The following TRIM36 variants were observed in gnomAD, a reference collection of about 807,000 sequenced individuals.
TRIM36 encodes tripartite motif containing 36.
TRIM36 carries 42 observed loss-of-function variants against 72.4 expected under a neutral mutation model. That is an observed-to-expected ratio of 0.58 (90% CI 0.45 to 0.75). The LOEUF (loss-of-function observed/expected upper bound fraction) is 0.75, where lower values mean the gene tolerates loss of function less well. TRIM36 is among the 30% of genes least tolerant of loss of function. The probability of loss-of-function intolerance (pLI) is 0.00; values close to 1 mark genes in which losing one functional copy is unlikely to be tolerated. For synonymous variants in TRIM36, 315 were observed against 282.8 expected, an observed-to-expected ratio of 1.11 and a Z score of -1.14; for missense variants, 913 against 857.1, an observed-to-expected ratio of 1.07 and a Z score of -0.81.
Position 115,169,715 on chromosome 5 carries a change from T to C in TRIM36, c.-81A>G. 6.7e-7 allele frequency: 1 copy of C among 1,486,322 alleles called. No homozygotes were observed. Among genetic ancestry groups the C allele is most frequent in the Non-Finnish European group, 9.0e-7 (1 of 1,116,108 alleles). The allele number at this position is 1,486,322 out of a possible 1,614,324, so 92.1% of individuals were successfully genotyped here. A position where few individuals can be genotyped will look rare whatever the true frequency, so the allele number is the denominator to read the frequency against. Reference sequence around the variant, plus strand: ...GCGCAGGGTCTGGTGGGCGGGTCCCTGCGGCGGCCGTGGAGCCTCGGTCCG... The same window carrying C: ...GCGCAGGGTCTGGTGGGCGGGTCCCCGCGGCGGCCGTGGAGCCTCGGTCCG... On this transcript the variant is annotated 5_prime_UTR_variant, in exon 1 of 10. Coordinates refer to ENST00000513154, the MANE Select transcript of TRIM36 (RefSeq NM_001300759.2).
chr5:115,153,572 C>G (rs1219309342), intron 2 of TRIM36: 1 of 152,332 alleles, frequency 6.6e-6, no homozygotes, highest in African/African-American at 2.4e-5. Context: ...GTGGCATGAT[C>G]TCAGCTCACT....
At chr5:115,162,274 T>C (rs1255157199) in intron 2 of TRIM36, among the ~76,000 whole-genome samples, 3 of 152,200 alleles carry the variant, frequency 2.0e-5, no homozygotes, top group Non-Finnish European at 4.4e-5. Flanking sequence ...ATCCCAGTAA[T>C]GCTATTTCGG....
intron 1 of TRIM36, among the ~76,000 whole-genome samples, chr5:115,176,786 CT>C (rs201063652): frequency 0.28 from 42,847 of 151,858 alleles, 6,044 homozygotes; most frequent in Middle Eastern, 0.31. Context: ...TTGGAAACCT[CT>C]CTTTTAATCC....
chr5:115,179,931 G>A, intron 1 of TRIM36: 1 of 1,584,660 alleles, frequency 6.3e-7, no homozygotes, highest in Admixed American at 1.7e-5. Flanking sequence ...GGTAGTGCCG[G>A]AGTCGGGGGC....
At chr5:115,143,110 G>T (rs965254873) in intron 4 of TRIM36, among the ~76,000 whole-genome samples, 17 of 149,370 alleles carry the variant, frequency 1.1e-4, no homozygotes, top group Admixed American at 4.7e-4. Flanking sequence ...ATCAACTCTT[G>T]TGTGTGAGGA....
At chr5:115,132,383 A>C (rs1752737852) in intron 8 of TRIM36, among the ~76,000 whole-genome samples, 1 of 151,772 alleles carries the variant, frequency 6.6e-6, no homozygotes, top group African/African-American at 2.4e-5. Flanking sequence ...AAATACAAAA[A>C]TTAGCCAGGC....
At chr5:115,163,422 C>A in intron 2 of TRIM36, 96 bp downstream of exon 2, 1 of 1,065,554 alleles carries the variant, frequency 9.4e-7, no homozygotes, top group Non-Finnish European at 1.4e-6. Context: ...AATTAACTCT[C>A]AAGATGACAA....
At chr5:115,170,975 G>A (rs1391066180), upstream of TRIM36, 2 of 1,386,668 alleles carry the variant, frequency 1.4e-6, no homozygotes, top group East Asian at 4.7e-5. Flanking sequence ...AATTAATTTA[G>A]GATTATTAGA....
exon 1 of TRIM36, chr5:115,180,032 C>A (rs751448899): frequency 6.2e-7 from 1 of 1,614,076 alleles, no homozygotes; most frequent in Non-Finnish European, 8.5e-7. Flanking sequence ...CCCCAGACTC[C>A]GACATGTTTA....
At chr5:115,180,156 AC>A in exon 1 of TRIM36, 1 of 1,011,514 alleles carries the variant, frequency 9.9e-7, no homozygotes, top group Non-Finnish European at 1.5e-6. Context: ...TAAGCTGTTA[AC>A]CAGGAAAAGA....
intron 1 of TRIM36, chr5:115,179,940 G>C: frequency 1.2e-6 from 2 of 1,605,930 alleles, no homozygotes; most frequent in Non-Finnish European, 1.7e-6. Context: ...GGAGTCGGGG[G>C]CCCAGGCCGC....
At chr5:115,171,229 A>G, upstream of TRIM36, 1 of 1,614,134 alleles carries the variant, frequency 6.2e-7, no homozygotes, top group South Asian at 1.1e-5. Context: ...GCATCTAAAT[A>G]AGGAGTGTAG....
At chr5:115,162,712 T>C (rs73780080) in intron 2 of TRIM36, among the ~76,000 whole-genome samples, 10 of 152,076 alleles carry the variant, frequency 6.6e-5, no homozygotes, top group Non-Finnish European at 1.0e-4. Context: ...CAGCAGAATA[T>C]CAAGTTTTAT....
chr5:115,137,192 T>G, intron 6 of TRIM36, 68 bp from the exon 7 acceptor site: 1 of 1,501,214 alleles, frequency 6.7e-7, no homozygotes, highest in Non-Finnish European at 8.9e-7. Flanking sequence ...ATCTGCAACA[T>G]GATTAACAAA....
intron 9 of TRIM36, among the ~76,000 whole-genome samples, chr5:115,127,364 C>A (rs757957277): frequency 5.3e-5 from 8 of 152,206 alleles, no homozygotes; most frequent in Non-Finnish European, 1.2e-4. Flanking sequence ...AGTTCCAGAC[C>A]AACCTGGCCA....
intron 1 of TRIM36, among the ~76,000 whole-genome samples, chr5:115,167,469 G>A (rs930427785): frequency 3.3e-5 from 5 of 152,022 alleles, no homozygotes; most frequent in Non-Finnish European, 5.9e-5. Context: ...AAACTTTTAC[G>A]CTCCGCTTCA....
rs774151976 is a variant in TRIM36 at position 115,126,764 on chromosome 5, T to A, written c.1890A>T (p.Lys630Asn). The change falls in exon 10 of 10, where the codon AAA becomes AAT. Residue 630 changes from lysine (K) to asparagine (N), a missense_variant. Coordinates refer to ENST00000513154, the MANE Select transcript of TRIM36 (RefSeq NM_001300759.2). ...PFTLVTIGMQ[K>N]FFIPKSPTSS... ...AAGTAGGTGACTTGGGTATAAAAAATTTCTGCATGCCTATAGTAACTAAGG... is the reference window on the plus strand; with the variant it reads ...AAGTAGGTGACTTGGGTATAAAAAAATTCTGCATGCCTATAGTAACTAAGG... 6.2e-7 allele frequency: 1 copy of A among 1,614,132 alleles called. No homozygotes were observed. The highest frequency in any genetic ancestry group is 1.7e-5 in the Admixed American group (1 of 60,022).
rs564199727 is a variant in TRIM36, at chr5:115,126,887, T to C, written c.1797-30A>G. The C allele has an allele frequency of 5.7e-6, 9 of 1,573,574 alleles. No individual in the cohort carries two copies. The East Asian group carries it at 1.8e-4, about 31-fold the overall frequency. ...AACATAATACAAAGCATCTGTATCT[T>C]CAACAATAGATCTAAGTATCTTCAA... On this transcript the variant is annotated intron_variant, in intron 9 of 9. Transcript: ENST00000513154.
At chr5:115,152,156 TAG>T in intron 2 of TRIM36, among the ~76,000 whole-genome samples, 1 of 152,032 alleles carries the variant, frequency 6.6e-6, no homozygotes, top group Middle Eastern at 3.4e-3. Flanking sequence ...TTCAAGGAAA[TAG>T]ATAGCATAAA....
Sources: gnomAD v4.1 joint callset for allele counts (sites outside exome capture counted in the v4.1 genomes callset) on GRCh38, gnomAD v4.1.1 for gene constraint, MANE v1.5 for transcripts, NCBI Gene and HGNC (gene_info 2026-07-23, HGNC 2026-07-21) for gene names.